DRC4: variants seen among roughly 807,000 people sequenced by gnomAD.
DRC4 encodes GAS-11.
chr16:90,035,861 C>T, the DRC4 span: 1 of 1,498,442 alleles, frequency 6.7e-7, no homozygotes, highest in Non-Finnish European at 8.9e-7. Context: ...CTCAGAATCC[C>T]AGAACAACCT....
At chr16:90,023,187 T>A in the DRC4 span, among the ~76,000 whole-genome samples, 1 of 152,106 alleles carries the variant, frequency 6.6e-6, no homozygotes. Context: ...ATGGAGAGCC[T>A]GGGGCACACC....
chr16:90,043,159 G>C, the DRC4 span: 3 of 1,583,724 alleles, frequency 1.9e-6, no homozygotes, highest in Non-Finnish European at 2.6e-6. Flanking sequence ...CTGAGCGTGG[G>C]GACCCTCAGC....
the DRC4 span, among the ~76,000 whole-genome samples, chr16:90,038,512 C>G: frequency 6.6e-6 from 1 of 152,250 alleles, no homozygotes; most frequent in African/African-American, 2.4e-5. Context: ...TGCCTCAATC[C>G]TTTTAAATTT....
At chr16:90,040,606 C>T in the DRC4 span, 3 of 1,130,334 alleles carry the variant, frequency 2.7e-6, no homozygotes, top group South Asian at 4.2e-5. Context: ...CACAGAGACC[C>T]CTCGGTCGGC....
the DRC4 span, among the ~76,000 whole-genome samples, chr16:90,024,660 T>C: frequency 6.6e-6 from 1 of 152,070 alleles, no homozygotes; most frequent in Non-Finnish European, 1.5e-5. Context: ...GCTCTTTCTC[T>C]TTTTCAGGGG....
chr16:90,022,701 C>T, the DRC4 span: 9 of 1,425,842 alleles, frequency 6.3e-6, no homozygotes, highest in African/African-American at 1.5e-5. Context: ...GGAGTCGCCG[C>T]TGGGCCTGTC....
chr16:90,035,685 G>A, the DRC4 span: 14 of 1,614,178 alleles, frequency 8.7e-6, no homozygotes, highest in East Asian at 4.5e-5. Flanking sequence ...AGGCAAGTTC[G>A]AGGTCAGTTT....
At chr16:90,041,731 G>A in the DRC4 span, among the ~76,000 whole-genome samples, 18 of 152,104 alleles carry the variant, frequency 1.2e-4, no homozygotes, top group South Asian at 2.3e-3. Flanking sequence ...CCTGGGAGGC[G>A]GAGGTTGCGG....
At chr16:90,040,227 G>A in the DRC4 span, 9 of 1,419,268 alleles carry the variant, frequency 6.3e-6, no homozygotes, top group Non-Finnish European at 8.7e-6. Context: ...GCAGAGGTGG[G>A]AGGCAGCATC....
At chr16:90,026,881 A>G in the DRC4 span, among the ~76,000 whole-genome samples, 1 of 145,790 alleles carries the variant, frequency 6.9e-6, no homozygotes, top group African/African-American at 2.5e-5. Context: ...GTTTGGAATG[A>G]GTTCCCTCTC....
the DRC4 span, chr16:90,022,578 T>C: frequency 3.1e-6 from 3 of 980,060 alleles, no homozygotes; most frequent in Non-Finnish European, 4.1e-6. Flanking sequence ...CACTCCCGCC[T>C]TTGGCAGGGC....
the DRC4 span, among the ~76,000 whole-genome samples, chr16:90,039,014 C>T: frequency 6.6e-6 from 1 of 152,220 alleles, no homozygotes; most frequent in Non-Finnish European, 1.5e-5. Flanking sequence ...AGAAATATCC[C>T]ATCTGTCTGT....
the DRC4 span, chr16:90,029,075 C>A: frequency 8.2e-7 from 1 of 1,216,204 alleles, no homozygotes; most frequent in Non-Finnish European, 1.1e-6. Context: ...GAGCTGCTGC[C>A]CGTCTCCCTG....
the DRC4 span, among the ~76,000 whole-genome samples, chr16:90,034,765 C>T: frequency 1.0e-3 from 154 of 151,558 alleles, 2 homozygotes; most frequent in East Asian, 0.021. Flanking sequence ...ACTCTGTCTC[C>T]CGGGCTGCAG....
the DRC4 span, chr16:90,040,352 A>G: frequency 1.2e-6 from 2 of 1,606,648 alleles, no homozygotes; most frequent in Non-Finnish European, 1.7e-6. Context: ...GCCATCCAGG[A>G]GGTGCAGCAG....
chr16:90,039,571 G>C, the DRC4 span, among the ~76,000 whole-genome samples: 1 of 151,858 alleles, frequency 6.6e-6, no homozygotes, highest in African/African-American at 2.4e-5. Flanking sequence ...ATTTCTGATA[G>C]AGACAGGGTT....
the DRC4 span, among the ~76,000 whole-genome samples, chr16:90,035,329 G>A: frequency 7.9e-5 from 12 of 152,208 alleles, no homozygotes; most frequent in Non-Finnish European, 2.9e-5. Context: ...CTTTTAATAT[G>A]CTGCTTCAGG....
chr16:90,043,399 G>A, the DRC4 span: 6 of 1,528,616 alleles, frequency 3.9e-6, no homozygotes, highest in Non-Finnish European at 3.5e-6. Context: ...CACTCGGGAT[G>A]ACACCCCTTA....
At chr16:90,040,464 T>A in the DRC4 span, 1 of 1,609,824 alleles carries the variant, frequency 6.2e-7, no homozygotes, top group African/African-American at 1.3e-5. Flanking sequence ...TGGCTGCCTC[T>A]AACCTGGACC....
Sources: allele counts gnomAD v4.1 joint callset (sites outside exome capture counted in the v4.1 genomes callset), GRCh38; gene constraint gnomAD v4.1.1; transcripts MANE v1.5; gene names NCBI Gene and HGNC (gene_info 2026-07-23, HGNC 2026-07-21).